DMD: variants seen among roughly 807,000 people sequenced by gnomAD.
The protein encoded by DMD is mutant dystrophin.
In DMD, 63 loss-of-function variants were observed where a neutral mutation model predicts 330.1. The ratio of observed to expected loss-of-function variants is 0.19; its 90% CI spans 0.16 to 0.24. The LOEUF is 0.24. Ranked by LOEUF, DMD falls within the 10% of genes least tolerant of loss-of-function variation. The pLI, the probability that DMD is intolerant of heterozygous loss-of-function variation, is 1.00. For synonymous variants in DMD, 1,223 were observed against 959.8 expected, an observed-to-expected ratio of 1.27 and a Z score of -5.07; for missense variants, 3,344 against 2,684.1, an observed-to-expected ratio of 1.25 and a Z score of -5.43.
intron 43 of DMD, among the ~76,000 whole-genome samples, chrX:32,239,569 T>C (rs1445439190): frequency 9.0e-6 from 1 of 111,697 alleles, no homozygotes; most frequent in African/African-American, 3.3e-5. Context: ...AGTTTGCTTG[T>C]GATGTTGTAT....
intron 1 of DMD, among the ~76,000 whole-genome samples, chrX:33,035,350 C>T (rs2094187255): frequency 9.0e-6 from 1 of 111,436 alleles, no homozygotes; most frequent in Non-Finnish European, 1.9e-5. Flanking sequence ...AAAGCCAGGG[C>T]TCCTTATCTG....
chrX:31,840,494 T>C (rs2093296175), intron 48 of DMD, among the ~76,000 whole-genome samples: 1 of 109,772 alleles, frequency 9.1e-6, no homozygotes, highest in Admixed American at 9.8e-5. Context: ...TGTATGTATA[T>C]GTACAGGTAT....
chrX:32,286,134 C>T (rs1386202902), intron 43 of DMD, among the ~76,000 whole-genome samples: 1 of 111,132 alleles, frequency 9.0e-6, no homozygotes, highest in Non-Finnish European at 1.9e-5. Flanking sequence ...GAGCATATAA[C>T]ACAAATAAAA....
Position 32,215,285 on chromosome X carries a change from A to T in DMD, c.6438+1631T>A, listed in dbSNP as rs190929909. ...GTACAATTGGAGTTCCATTTTTTTT[A>T]AAAAAATGGTTGAAAGGTTTCTAAA... is the stretch of plus-strand genomic sequence containing the variant. On this transcript the variant is annotated intron_variant, in intron 44 of 78. Transcript: ENST00000357033. Among the ~76,000 whole-genome samples, 290 of 110,967 alleles carry T rather than the reference A, an allele frequency of 2.6e-3. 1 individual carries two copies. Among genetic ancestry groups the T allele is most frequent in the African/African-American group, 9.0e-3 (274 of 30,346 alleles).
intron 2 of DMD, among the ~76,000 whole-genome samples, chrX:32,919,998 A>G (rs968057949): frequency 5.4e-5 from 6 of 111,620 alleles, no homozygotes; most frequent in Non-Finnish European, 7.5e-5. Context: ...TACATATGCA[A>G]AAAGGAAGAT....
At chrX:31,973,741 C>T (rs897494731) in intron 44 of DMD, among the ~76,000 whole-genome samples, 2 of 111,888 alleles carry the variant, frequency 1.8e-5, no homozygotes, top group African/African-American at 6.5e-5. Context: ...CCTAGGGGAA[C>T]TAAGTGCCCC....
chrX:32,487,741 G>A (rs1403836072), intron 20 of DMD, among the ~76,000 whole-genome samples: 1 of 110,941 alleles, frequency 9.0e-6, no homozygotes, highest in Non-Finnish European at 1.9e-5. Context: ...AATAATCTCT[G>A]ACGATTCAAT....
intron 38 of DMD, among the ~76,000 whole-genome samples, chrX:32,346,662 T>C (rs1189684986): frequency 7.2e-5 from 8 of 111,681 alleles, no homozygotes; most frequent in Middle Eastern, 4.7e-3. Flanking sequence ...TAAGTTACCA[T>C]CAAATAATTT....
chrX:32,716,229 A>G (rs1033947480), intron 7 of DMD, among the ~76,000 whole-genome samples: 9 of 110,841 alleles, frequency 8.1e-5, no homozygotes, highest in African/African-American at 2.6e-4. Flanking sequence ...TGTGTTCCCC[A>G]GTGTTGGAGG....
chrX:32,897,534 T>A (rs1191591604), intron 2 of DMD, among the ~76,000 whole-genome samples: 2 of 112,039 alleles, frequency 1.8e-5, no homozygotes, highest in Non-Finnish European at 3.8e-5. Context: ...CCATTAATTG[T>A]TCTGTCTGAT....
rs779732844 is a variant in DMD at position 33,169,949 on chromosome X, T to C, written c.31+41333A>G. On this transcript the variant is annotated intron_variant, in intron 1 of 78. Transcript: ENST00000357033. Reference sequence around the variant, plus strand: ...TCTGAATAGACTTCCATGTAACCAATGCCTACTCAGGTAATTTGCCAGATT... The same window carrying C: ...TCTGAATAGACTTCCATGTAACCAACGCCTACTCAGGTAATTTGCCAGATT... Among the ~76,000 whole-genome samples, 5 of 111,064 alleles carry C rather than the reference T, an allele frequency of 4.5e-5. No individual in the cohort carries two copies. In the East Asian group the frequency reaches 1.4e-3, roughly 31 times the overall value.
intron 7 of DMD, among the ~76,000 whole-genome samples, chrX:32,742,672 G>A (rs888686626): frequency 9.0e-6 from 1 of 111,716 alleles, no homozygotes; most frequent in Non-Finnish European, 1.9e-5. Context: ...AAAATGGGAA[G>A]TAAATTATGA....
At chrX:31,510,873 T>A (rs1365382848) in intron 55 of DMD, among the ~76,000 whole-genome samples, 10 of 111,268 alleles carry the variant, frequency 9.0e-5, no homozygotes, top group African/African-American at 3.3e-4. Context: ...GCAAAAAATG[T>A]TCACACTGAA....
At chrX:32,167,370 A>T (rs899234028) in intron 44 of DMD, among the ~76,000 whole-genome samples, 1 of 112,067 alleles carries the variant, frequency 8.9e-6, no homozygotes, top group South Asian at 3.7e-4. Context: ...GTACACTTTG[A>T]AATCAAACTG....
At chrX:33,159,662 C>T (rs1189381155) in intron 1 of DMD, 4 of 111,866 alleles carry the variant, frequency 3.6e-5, no homozygotes, top group Non-Finnish European at 7.5e-5. Flanking sequence ...ATATGTGCCA[C>T]ATTTTCTTTA....
chrX:32,155,480 A>G (rs1240308160), intron 44 of DMD: 6 of 739,748 alleles, frequency 8.1e-6, no homozygotes, highest in Non-Finnish European at 9.6e-6. Flanking sequence ...GAAGAGAAAG[A>G]GCTGCTGGGA....
At chrX:33,206,868 T>C (rs1456500254) in intron 1 of DMD, among the ~76,000 whole-genome samples, 1 of 99,660 alleles carries the variant, frequency 1.0e-5, no homozygotes, top group Non-Finnish European at 2.0e-5. Context: ...CTTTTTATTT[T>C]ATTTTTTTTT....
At chrX:31,134,848 A>G (rs1292171302) in intron 76 of DMD, among the ~76,000 whole-genome samples, 1 of 112,489 alleles carries the variant, frequency 8.9e-6, no homozygotes, top group Non-Finnish European at 1.9e-5. Flanking sequence ...TGTGTATGCA[A>G]CAAAATATCA....
intron 7 of DMD, among the ~76,000 whole-genome samples, chrX:32,805,590 C>A (rs2076893407): frequency 9.0e-6 from 1 of 111,051 alleles, no homozygotes; most frequent in South Asian, 3.8e-4. Context: ...AGAGAACATC[C>A]ACAAAAATAC....
Sources: allele counts gnomAD v4.1 joint callset (sites outside exome capture counted in the v4.1 genomes callset), GRCh38; gene constraint gnomAD v4.1.1; transcripts MANE v1.5; gene names NCBI Gene and HGNC (gene_info 2026-07-23, HGNC 2026-07-21).